Variants in PRPF38A observed in about 807,000 individuals in gnomAD.
The protein encoded by PRPF38A is pre-mRNA-splicing factor 38A.
PRPF38A carries 11 observed loss-of-function variants against 46.8 expected under a neutral mutation model. The observed-to-expected ratio is 0.24, with a 90% CI of 0.15 to 0.39. The LOEUF (loss-of-function observed/expected upper bound fraction) is 0.39, where lower values mean the gene tolerates loss of function less well. Among genes scored for constraint, PRPF38A ranks in the 10% least tolerant of loss-of-function variants. PRPF38A has a pLI of 1.00. For synonymous variants in PRPF38A, 124 were observed against 136.2 expected (o/e 0.91, Z 0.62); for missense variants, 261 against 407.5 (o/e 0.64, Z 3.10).
chr1:52,406,963 C>A (rs1339341201), intron 2 of PRPF38A, among the ~76,000 whole-genome samples: 1 of 152,142 alleles, frequency 6.6e-6, no homozygotes, highest in African/African-American at 2.4e-5. Flanking sequence ...CAAAAGCCTC[C>A]TAGTTACCCA....
chr1:52,405,290 C>G (rs1469553874), intron 1 of PRPF38A, among the ~76,000 whole-genome samples: 2 of 152,288 alleles, frequency 1.3e-5, no homozygotes, highest in South Asian at 4.1e-4. Flanking sequence ...TTATAAATAT[C>G]AGTGCTTCAG....
intron 3 of PRPF38A, among the ~76,000 whole-genome samples, 173 bp from the exon 4 acceptor site, chr1:52,410,942 C>T (rs1648133111): frequency 6.6e-6 from 1 of 152,200 alleles, no homozygotes; most frequent in Admixed American, 6.5e-5. Flanking sequence ...ACTGTTTGTG[C>T]TTGTTTTTGT....
At chr1:52,412,661 G>A (rs747630664) in intron 5 of PRPF38A, 37 bp downstream of exon 5, 2 of 1,326,672 alleles carry the variant, frequency 1.5e-6, no homozygotes, top group African/African-American at 1.5e-5. Flanking sequence ...GTAGGGGAGG[G>A]AGTAATAGAA....
Position 52,404,641 on chromosome 1 carries a change from T to TTAGTGAA in PRPF38A, c.-109_-108insTAGTGAA. Reference sequence around the variant, plus strand: ...CCGGCTTCAAGATGGTCGCCTAAGCTGTTTAGTGAAACTTCTTCCACCTTT... The same window carrying TTAGTGAA: ...CCGGCTTCAAGATGGTCGCCTAAGCTTAGTGAAGTTTAGTGAAACTTCTTCCACCTTT... On this transcript the variant is annotated 5_prime_UTR_variant, in exon 1 of 10. Coordinates refer to ENST00000257181, the MANE Select transcript of PRPF38A (RefSeq NM_032864.4). 7.9e-7 allele frequency: 1 copy of TTAGTGAA among 1,258,010 alleles called. No individual in the cohort carries two copies. The highest frequency in any genetic ancestry group is 1.1e-6 in the Non-Finnish European group (1 of 904,236). 77.9% of individuals were successfully genotyped at this position (1,258,010 alleles called of 1,614,324 possible).
chr1:52,407,269 G>A (rs577575874), intron 2 of PRPF38A, among the ~76,000 whole-genome samples: 5 of 152,120 alleles, frequency 3.3e-5, no homozygotes, highest in Admixed American at 6.5e-5. Flanking sequence ...CACCTGCCTC[G>A]CCTCCCAAAG....
rs751078267 is a variant in PRPF38A, at chr1:52,404,794, C to A, written c.45C>A (p.Thr15=). The A allele has an allele frequency of 1.9e-6, 3 of 1,614,172 alleles. No individual in the cohort carries two copies. Among genetic ancestry groups the A allele is most frequent in the Non-Finnish European group, 2.5e-6 (3 of 1,179,986 alleles). ...AGGATGCGCACAGCATCCATGGCACCAACCCTCAATATCTGGTGGAGAAGA... is the reference window on the plus strand; with the variant it reads ...AGGATGCGCACAGCATCCATGGCACAAACCCTCAATATCTGGTGGAGAAGA... The part of the protein sequence containing the change: ...TVKDAHSIHG[T]NPQYLVEKII... Residue 15 remains threonine, a synonymous_variant, in exon 1 of 10, where the codon ACC becomes ACA. Coordinates refer to ENST00000257181, the MANE Select transcript of PRPF38A (RefSeq NM_032864.4).
At chr1:52,408,255 A>G (rs1021066324) in intron 2 of PRPF38A, 7 of 419,618 alleles carry the variant, frequency 1.7e-5, no homozygotes, top group Non-Finnish European at 3.2e-5. Flanking sequence ...ATAAAATAAA[A>G]TTCAGTATTT....
rs1183810411 is a variant in PRPF38A, at chr1:52,412,612, G to A, written c.597G>A (p.Glu199=). The A allele has an allele frequency of 1.9e-5, 30 of 1,609,832 alleles. No homozygotes were observed. In the Admixed American group the frequency reaches 4.8e-4, roughly 26 times the overall value. Residue 199 remains glutamate, a synonymous_variant, in exon 5 of 10, where the codon GAG becomes GAA. Coordinates refer to ENST00000257181, the MANE Select transcript of PRPF38A (RefSeq NM_032864.4). The part of the protein sequence containing the change: ...DDVESSEEEE[E]EDEKLERVPS... Reference sequence around the variant, plus strand: ...TGGAGTCCAGTGAAGAGGAAGAAGAGGAGGATGAGAAGGTCTGGCACCTGA... The same window carrying A: ...TGGAGTCCAGTGAAGAGGAAGAAGAAGAGGATGAGAAGGTCTGGCACCTGA...
At position 52,416,938 on chromosome 1, in the gene PRPF38A, G is replaced by A. The variant is rs1648311346; in HGVS notation, c.*248G>A. 1 of 466,408 alleles carries A rather than the reference G, an allele frequency of 2.1e-6. No homozygotes were observed. 28.9% of individuals were successfully genotyped at this position (466,408 alleles called of 1,614,324 possible). A position where few individuals can be genotyped will look rare whatever the true frequency, so the allele number is the denominator to read the frequency against. ...TTATGAGAGTATAAAGGATCTGGAGGTTGGGGATATGACTGACAAGGAAAG... is the reference window on the plus strand; with the variant it reads ...TTATGAGAGTATAAAGGATCTGGAGATTGGGGATATGACTGACAAGGAAAG... On this transcript the variant is annotated 3_prime_UTR_variant, in exon 10 of 10. Coordinates refer to ENST00000257181, the MANE Select transcript of PRPF38A (RefSeq NM_032864.4).
In PRPF38A at chr1:52,408,754, C is replaced by G. The variant is rs1648069138; in HGVS notation, c.412+64C>G. On this transcript the variant is annotated intron_variant, in intron 3 of 9. Coordinates refer to ENST00000257181, the MANE Select transcript of PRPF38A (RefSeq NM_032864.4). The stretch of plus-strand genomic sequence containing the variant: ...GCCAGTTTTTATTTTACCAGTACTT[C>G]TACCTTTGCATTGTCATAGACAGTG... The G allele has an allele frequency of 1.9e-6, 3 of 1,573,112 alleles. No homozygotes were observed. In the East Asian group the frequency reaches 6.7e-5, roughly 35 times the overall value.
chr1:52,408,693 A>C lies in PRPF38A; in HGVS notation c.412+3A>C. On this transcript the variant is annotated splice_donor_region_variant and intron_variant, in intron 3 of 9. Transcript: ENST00000257181. ...CAAGAGCCAGAACCGAAATGGGGGTAAGTATGGTGCTAAGTCTCCTGATTG... is the reference window on the plus strand; with the variant it reads ...CAAGAGCCAGAACCGAAATGGGGGTCAGTATGGTGCTAAGTCTCCTGATTG... 1.2e-6 allele frequency: 2 copies of C among 1,614,080 alleles called. No individual in the cohort carries two copies. Among genetic ancestry groups the C allele is most frequent in the African/African-American group, 1.3e-5 (1 of 75,066 alleles).
Position 52,416,789 on chromosome 1 carries a change from T to G in PRPF38A, c.*99T>G. Reference sequence around the variant, plus strand: ...CTCCCCCAGGCAGCTATAAGAATATTTTAGTTTTTTTCTTATCAAGTTTCT... The same window carrying G: ...CTCCCCCAGGCAGCTATAAGAATATGTTAGTTTTTTTCTTATCAAGTTTCT... On this transcript the variant is annotated 3_prime_UTR_variant, in exon 10 of 10. Transcript: ENST00000257181. 1 of 936,102 alleles carries G rather than the reference T, an allele frequency of 1.1e-6. No individual in the cohort carries two copies. The highest frequency in any genetic ancestry group is 1.7e-6 in the Non-Finnish European group (1 of 585,980). 58.0% of individuals were successfully genotyped at this position (936,102 alleles called of 1,614,324 possible). A position where few individuals can be genotyped will look rare whatever the true frequency, so the allele number is the denominator to read the frequency against.
chr1:52,411,795 T>G (rs865815139), intron 4 of PRPF38A, among the ~76,000 whole-genome samples: 17 of 152,202 alleles, frequency 1.1e-4, no homozygotes, highest in Admixed American at 2.6e-4. Flanking sequence ...TGTTCCATGT[T>G]GGCACTGTAG....
At chr1:52,408,058 GAAAT>G (rs977904411) in intron 2 of PRPF38A, among the ~76,000 whole-genome samples, 1 of 147,410 alleles carries the variant, frequency 6.8e-6, no homozygotes. Flanking sequence ...TCTGTCTCAA[GAAAT>G]AAATAAATAC....
intron 7 of PRPF38A, 45 bp downstream of exon 7, chr1:52,414,692 G>C (rs1372055387): frequency 1.2e-6 from 2 of 1,613,836 alleles, no homozygotes; most frequent in Admixed American, 1.7e-5. Context: ...CTTTGGGGAG[G>C]GGGTGGTGGT....
intron 1 of PRPF38A, 116 bp from the exon 2 acceptor site, chr1:52,405,564 T>C (rs775079509): frequency 1.5e-5 from 13 of 894,496 alleles, no homozygotes; most frequent in African/African-American, 3.4e-5. Context: ...TACACATTCG[T>C]TCTCCTAATA....
At chr1:52,405,396 T>C (rs1438810919) in intron 1 of PRPF38A, among the ~76,000 whole-genome samples, 1 of 152,254 alleles carries the variant, frequency 6.6e-6, no homozygotes, top group Non-Finnish European at 1.5e-5. Flanking sequence ...TTACCTTTCT[T>C]AGCCCTCATT....
rs1288107285 is a variant in PRPF38A at position 52,415,968 on chromosome 1, G to A, written c.896+582G>A. 3.4e-5 allele frequency among the ~76,000 whole-genome samples: 5 copies of A among 149,006 alleles called. No individual in the cohort carries two copies. In the East Asian group the frequency reaches 8.0e-4, roughly 24 times the overall value. ...CGCCATTCTCCTGCCTCAGCTTCTC[G>A]AGTAGCTGGGAATACAGGTGCCCGC... is the stretch of plus-strand genomic sequence containing the variant. On this transcript the variant is annotated intron_variant, in intron 9 of 9. Transcript: ENST00000257181.
At chr1:52,408,415 G>A (rs1293096758) in intron 2 of PRPF38A, 154 bp from the exon 3 acceptor site, 1 of 977,360 alleles carries the variant, frequency 1.0e-6, no homozygotes, top group South Asian at 1.3e-5. Flanking sequence ...TATTTTAGCT[G>A]TCTTTCTTCT....
Sources: gnomAD v4.1 joint callset for allele counts (sites outside exome capture counted in the v4.1 genomes callset) on GRCh38, gnomAD v4.1.1 for gene constraint, MANE v1.5 for transcripts, NCBI Gene and HGNC (gene_info 2026-07-23, HGNC 2026-07-21) for gene names.